IMMP2L: variants seen among roughly 807,000 people sequenced by gnomAD.
The protein encoded by IMMP2L is inner mitochondrial membrane peptidase subunit 2, also known as mitochondrial inner membrane protease subunit 2.
A neutral mutation model predicts 19.3 loss-of-function variants in IMMP2L; 18 were observed. That is an observed-to-expected ratio of 0.93 (90% CI 0.64 to 1.38). The LOEUF (loss-of-function observed/expected upper bound fraction) is 1.38, where lower values mean the gene tolerates loss of function less well. IMMP2L is among the 40% of genes most tolerant of loss of function. The pLI is 0.00. For synonymous variants in IMMP2L, 76 were observed against 73.0 expected, an observed-to-expected ratio of 1.04 and a Z score of -0.21; for missense variants, 233 against 218.2, an observed-to-expected ratio of 1.07 and a Z score of -0.43.
intron 1 of IMMP2L, among the ~76,000 whole-genome samples, chr7:111,549,707 A>C (rs1297183947): frequency 6.6e-6 from 1 of 152,152 alleles, no homozygotes; most frequent in African/African-American, 2.4e-5. Context: ...TGGGAGGCCA[A>C]GGCAGGTGGA....
At chr7:110,976,137 T>G (rs985707735) in intron 3 of IMMP2L, among the ~76,000 whole-genome samples, 2 of 152,046 alleles carry the variant, frequency 1.3e-5, no homozygotes, top group Non-Finnish European at 2.9e-5. Context: ...AATTCTCATT[T>G]GCTACATATT....
intron 3 of IMMP2L, among the ~76,000 whole-genome samples, chr7:111,220,047 A>T (rs1812350553): frequency 6.6e-6 from 1 of 152,058 alleles, no homozygotes; most frequent in Non-Finnish European, 1.5e-5. Flanking sequence ...CCACTATAGA[A>T]TTATGTCACT....
intron 3 of IMMP2L, among the ~76,000 whole-genome samples, chr7:111,421,703 A>G (rs911069292): frequency 2.6e-5 from 4 of 151,708 alleles, no homozygotes; most frequent in South Asian, 2.1e-4. Context: ...TTCTTTTGCC[A>G]TGCAGAAGCT....
At chr7:111,048,923 C>A (rs1792717071) in intron 3 of IMMP2L, among the ~76,000 whole-genome samples, 2 of 152,014 alleles carry the variant, frequency 1.3e-5, no homozygotes, top group African/African-American at 4.8e-5. Context: ...ATGCTACGTA[C>A]ATTAGTTTGA....
At chr7:111,066,993 G>C (rs1232899657) in intron 3 of IMMP2L, among the ~76,000 whole-genome samples, 2 of 152,138 alleles carry the variant, frequency 1.3e-5, no homozygotes, top group African/African-American at 4.8e-5. Flanking sequence ...CTGCTCAGCA[G>C]TACTCTATCC....
At chr7:111,200,583 G>C (rs1421431896) in intron 3 of IMMP2L, among the ~76,000 whole-genome samples, 1 of 146,696 alleles carries the variant, frequency 6.8e-6, no homozygotes, top group Non-Finnish European at 1.5e-5. Flanking sequence ...TTCTGCCCGT[G>C]AAGAACTCAC....
At chr7:110,824,449 A>G (rs183073093) in intron 5 of IMMP2L, among the ~76,000 whole-genome samples, 1 of 152,156 alleles carries the variant, frequency 6.6e-6, no homozygotes, top group Non-Finnish European at 1.5e-5. Flanking sequence ...CAAAATATAT[A>G]TGAATTCCCC....
chr7:111,493,822 C>A (rs1189572050), intron 2 of IMMP2L, among the ~76,000 whole-genome samples: 2 of 151,656 alleles, frequency 1.3e-5, no homozygotes. Context: ...CCTGGCTCAA[C>A]ACGGTGAAAC....
intron 3 of IMMP2L, among the ~76,000 whole-genome samples, chr7:111,040,764 A>G (rs1288249833): frequency 4.7e-5 from 7 of 149,524 alleles, no homozygotes; most frequent in Admixed American, 4.7e-4. Context: ...ATAAAACCTT[A>G]TAAAACTATA....
At chr7:111,064,425 T>C (rs1403548924) in intron 3 of IMMP2L, among the ~76,000 whole-genome samples, 1 of 152,152 alleles carries the variant, frequency 6.6e-6, no homozygotes, top group Non-Finnish European at 1.5e-5. Flanking sequence ...TAGGTGATAA[T>C]ACTTTGCAGG....
intron 3 of IMMP2L, among the ~76,000 whole-genome samples, chr7:111,345,214 G>A (rs1471734118): frequency 6.6e-6 from 1 of 152,048 alleles, no homozygotes; most frequent in East Asian, 1.9e-4. Context: ...TACTAAATGT[G>A]TAATATTACT....
chr7:110,932,911 C>T (rs1008260687), intron 4 of IMMP2L, among the ~76,000 whole-genome samples: 1 of 152,174 alleles, frequency 6.6e-6, no homozygotes, highest in African/African-American at 2.4e-5. Context: ...TATGACCATA[C>T]ATGCCTGCAA....
At chr7:111,442,095 C>T (rs1001681219) in intron 3 of IMMP2L, among the ~76,000 whole-genome samples, 4 of 151,692 alleles carry the variant, frequency 2.6e-5, no homozygotes, top group African/African-American at 9.7e-5. Flanking sequence ...AGAGATCATG[C>T]CAGTGGTACT....
At chr7:111,028,939 A>T (rs1827131189) in intron 3 of IMMP2L, among the ~76,000 whole-genome samples, 1 of 152,168 alleles carries the variant, frequency 6.6e-6, no homozygotes, top group African/African-American at 2.4e-5. Flanking sequence ...CCTTTTAAGA[A>T]AATCAGAAAT....
intron 2 of IMMP2L, among the ~76,000 whole-genome samples, chr7:111,489,315 T>C (rs1842910587): frequency 6.6e-6 from 1 of 152,096 alleles, no homozygotes; most frequent in Non-Finnish European, 1.5e-5. Context: ...AGTGCTGGGA[T>C]TACAGGCGTG....
intron 3 of IMMP2L, among the ~76,000 whole-genome samples, chr7:111,409,387 C>A (rs1834175683): frequency 6.6e-6 from 1 of 151,688 alleles, no homozygotes; most frequent in Non-Finnish European, 1.5e-5. Context: ...TAACATATAA[C>A]CATGAGTAAC....
intron 3 of IMMP2L, among the ~76,000 whole-genome samples, chr7:111,276,805 T>C (rs1819121989): frequency 6.6e-6 from 1 of 151,986 alleles, no homozygotes; most frequent in Non-Finnish European, 1.5e-5. Context: ...AACCCAGAAA[T>C]GAAGCCACAT....
chr7:111,062,985 G>C (rs1051437167), intron 3 of IMMP2L, among the ~76,000 whole-genome samples: 1 of 152,206 alleles, frequency 6.6e-6, no homozygotes, highest in Non-Finnish European at 1.5e-5. Context: ...GGAGGTCTGG[G>C]GGACAGTGGC....
intron 3 of IMMP2L, among the ~76,000 whole-genome samples, chr7:111,048,690 G>A (rs1792690968): frequency 6.6e-6 from 1 of 152,146 alleles, no homozygotes; most frequent in Non-Finnish European, 1.5e-5. Context: ...TCAAGAGGTT[G>A]TGATTATTAA....
Sources: gnomAD v4.1 joint callset for allele counts (sites outside exome capture counted in the v4.1 genomes callset) on GRCh38, gnomAD v4.1.1 for gene constraint, MANE v1.5 for transcripts, NCBI Gene and HGNC (gene_info 2026-07-23, HGNC 2026-07-21) for gene names.